CYFIP2: variants seen among roughly 807,000 people sequenced by gnomAD.
CYFIP2 encodes cytoplasmic FMR1-interacting protein 2.
Under a neutral mutation model 158.7 loss-of-function variants are expected in CYFIP2, and 29 were observed. The observed-to-expected ratio is 0.18, with a 90% CI of 0.14 to 0.25. The LOEUF is 0.25. Ranked by LOEUF, CYFIP2 falls within the 10% of genes least tolerant of loss-of-function variation. CYFIP2 has a pLI of 1.00. For synonymous variants in CYFIP2, 585 were observed against 617.6 expected, an observed-to-expected ratio of 0.95 and a Z score of 0.78; for missense variants, 852 against 1,639.5, an observed-to-expected ratio of 0.52 and a Z score of 8.29.
chr5:157,349,231 A>C (rs1394262592), intron 23 of CYFIP2, among the ~76,000 whole-genome samples: 1 of 152,186 alleles, frequency 6.6e-6, no homozygotes, highest in East Asian at 1.9e-4. Flanking sequence ...TCATACGAGC[A>C]GTATACGCTA....
chr5:157,297,175 GAGGA>G (rs1758319913), intron 5 of CYFIP2, among the ~76,000 whole-genome samples: 1 of 152,238 alleles, frequency 6.6e-6, no homozygotes, highest in South Asian at 2.1e-4. Context: ...TGATGACCAG[GAGGA>G]AAGGTTTCAG....
chr5:157,391,492 A>C (rs572685997), intron 30 of CYFIP2, among the ~76,000 whole-genome samples: 1 of 151,118 alleles, frequency 6.6e-6, no homozygotes. Context: ...TACTTTCTCT[A>C]TGCATTTGAC....
intron 26 of CYFIP2, among the ~76,000 whole-genome samples, chr5:157,381,045 T>C (rs1766007231): frequency 6.6e-6 from 1 of 152,094 alleles, no homozygotes; most frequent in South Asian, 2.1e-4. Context: ...CAAAACCCCA[T>C]CTCTACTAAA....
intron 7 of CYFIP2, chr5:157,303,117 A>G (rs1758916867): frequency 6.2e-6 from 3 of 482,682 alleles, no homozygotes; most frequent in Non-Finnish European, 1.1e-5. Context: ...CCTCTCAGCC[A>G]GTGCTCTGAC....
chr5:157,308,847 T>C (rs984310185), intron 9 of CYFIP2, among the ~76,000 whole-genome samples: 5 of 152,156 alleles, frequency 3.3e-5, no homozygotes, highest in Admixed American at 1.3e-4. Flanking sequence ...AGAAGAGAAA[T>C]ACAACCTCTC....
chr5:157,384,197 A>C (rs1224234966), intron 28 of CYFIP2: 1 of 433,034 alleles, frequency 2.3e-6, no homozygotes. Context: ...CAAGATGAGT[A>C]AGACAGGACC....
At chr5:157,300,262 G>A (rs1465083288) in intron 5 of CYFIP2, among the ~76,000 whole-genome samples, 3 of 152,138 alleles carry the variant, frequency 2.0e-5, no homozygotes, top group Non-Finnish European at 2.9e-5. Flanking sequence ...GCCAGGTATG[G>A]TGGCTCATGC....
chr5:157,296,856 C>T, intron 5 of CYFIP2, 82 bp downstream of exon 5: 1 of 1,126,080 alleles, frequency 8.9e-7, no homozygotes, highest in Non-Finnish European at 1.3e-6. Flanking sequence ...CAGTTTTGTG[C>T]CATGTTATTT....
chr5:157,395,536 G>C lies in CYFIP2; in HGVS notation c.*2536G>C, dbSNP rs371519970. The C allele has an allele frequency of 2.1e-6, 2 of 960,662 alleles. No individual in the cohort carries two copies. The highest frequency in any genetic ancestry group is 3.4e-5 in the African/African-American group (2 of 59,480). The allele number at this position is 960,662 out of a possible 1,614,324, so 59.5% of individuals were successfully genotyped here. A position where few individuals can be genotyped will look rare whatever the true frequency, so the allele number is the denominator to read the frequency against. The stretch of plus-strand genomic sequence containing the variant: ...TTTGATTTGTATTTTGGGGGTACCT[G>C]TGTTGAGTTGATAAACATTTCCATC... On this transcript the variant is annotated 3_prime_UTR_variant, in exon 31 of 31. Transcript: ENST00000620254.
At chr5:157,279,465 C>T (rs1360311752) in intron 1 of CYFIP2, among the ~76,000 whole-genome samples, 1 of 152,228 alleles carries the variant, frequency 6.6e-6, no homozygotes, top group African/African-American at 2.4e-5. Flanking sequence ...ACCTGCATTT[C>T]CAAAGCCATG....
In CYFIP2 at chr5:157,388,018, G is replaced by A. The variant is rs61179265; in HGVS notation, c.3208-1171G>A. Among the ~76,000 whole-genome samples, 1,200 of 152,272 alleles carry A rather than the reference G, an allele frequency of 7.9e-3. 22 individuals are homozygous for A. Among genetic ancestry groups the A allele is most frequent in the African/African-American group, 0.027 (1,142 of 41,548 alleles). On this transcript the variant is annotated intron_variant, in intron 28 of 30. Transcript: ENST00000620254. ...CTCCAGGGAGTGAGCTTCCGGGGTAGGTCAGGCAGGTGCCTCCCAGCCACC... is the reference window on the plus strand; with the variant it reads ...CTCCAGGGAGTGAGCTTCCGGGGTAAGTCAGGCAGGTGCCTCCCAGCCACC...
In CYFIP2 at chr5:157,383,273, C is replaced by T. The variant is rs763607353; in HGVS notation, c.3121C>T (p.Arg1041Cys). 3 of 1,613,690 alleles carry T rather than the reference C, an allele frequency of 1.9e-6. No homozygotes were observed. Among genetic ancestry groups the T allele is most frequent in the South Asian group, 1.1e-5 (1 of 90,998 alleles). ...LPRVYIKEGE[R>C]LEVRMKRLEA... is the part of the protein sequence containing the mutation. The stretch of plus-strand genomic sequence containing the variant: ...TGCGACTCCTTTTGCAGAGGGGGAG[C>T]GCCTGGAGGTCCGGATGAAACGTCT... Residue 1041 changes from arginine to cysteine, a missense_variant, in exon 28 of 31, where the codon CGC (arginine) becomes TGC (cysteine). By Grantham distance (180) the Arg-to-Cys change is radical. This residue lies in a region of CYFIP2 where 223 missense variants were observed against 381.6 expected (regional missense o/e 0.58). Coordinates refer to ENST00000620254, the MANE Select transcript of CYFIP2 (RefSeq NM_001037333.3).
At chr5:157,364,829 C>T (rs1400517694) in intron 26 of CYFIP2, 2 of 149,270 alleles carry the variant, frequency 1.3e-5, no homozygotes. Flanking sequence ...CTACTAATTG[C>T]CAAAAAAAAA....
At position 157,311,565 on chromosome 5, in the gene CYFIP2, G is replaced by C; in HGVS notation, c.993-99G>C. Reference sequence around the variant, plus strand: ...GGATACCATTTGGTGTCACCCAGGGGAGTTGGCCACGTGGGCTGAGCACCA... The same window carrying C: ...GGATACCATTTGGTGTCACCCAGGGCAGTTGGCCACGTGGGCTGAGCACCA... On this transcript the variant is annotated intron_variant, in intron 10 of 30. Transcript: ENST00000620254. This position sits in a 1 kb window ranked among gnomAD's most constrained non-coding sequence, Gnocchi z 4.7. 9.9e-7 allele frequency: 1 copy of C among 1,012,604 alleles called. No homozygotes were observed. Among genetic ancestry groups the C allele is most frequent in the Non-Finnish European group, 1.5e-6 (1 of 679,680 alleles). 62.7% of individuals were successfully genotyped at this position (1,012,604 alleles called of 1,614,324 possible). A position where few individuals can be genotyped will look rare whatever the true frequency, so the allele number is the denominator to read the frequency against.
intron 23 of CYFIP2, chr5:157,342,983 C>T (rs770748395): frequency 2.4e-5 from 38 of 1,614,096 alleles, no homozygotes; most frequent in East Asian, 1.1e-4. Context: ...GGAGTTCTTG[C>T]GTGGCATTTC....
At chr5:157,328,073 G>A (rs1035593422) in intron 19 of CYFIP2, 24 bp downstream of exon 19, 1 of 1,608,712 alleles carries the variant, frequency 6.2e-7, no homozygotes, top group Middle Eastern at 1.7e-4. Flanking sequence ...AGAGCTGTGA[G>A]TAGCAATCTC....
At chr5:157,357,293 C>A (rs941022933) in intron 23 of CYFIP2, among the ~76,000 whole-genome samples, 15 of 152,172 alleles carry the variant, frequency 9.9e-5, no homozygotes, top group African/African-American at 3.6e-4. Context: ...TTCATACATA[C>A]GTACCTAATT....
chr5:157,293,463 G>A (rs534799650), intron 3 of CYFIP2, among the ~76,000 whole-genome samples: 1 of 152,198 alleles, frequency 6.6e-6, no homozygotes, highest in South Asian at 2.1e-4. Context: ...TCATGCTGTT[G>A]TTGGTTTTCC....
intron 6 of CYFIP2, 95 bp from the exon 7 acceptor site, chr5:157,302,699 A>G (rs1758877199): frequency 1.2e-6 from 1 of 841,238 alleles, no homozygotes; most frequent in South Asian, 1.8e-5. Context: ...GGATGATGTC[A>G]CTCTGTGTTA....
Sources: gnomAD v4.1 joint callset for allele counts (sites outside exome capture counted in the v4.1 genomes callset) on GRCh38, gnomAD v4.1.1 for gene constraint, gnomAD v4.1.1 regional missense constraint, Gnocchi (gnomAD v3.1) non-coding constraint, MANE v1.5 for transcripts, NCBI Gene and HGNC (gene_info 2026-07-23, HGNC 2026-07-21) for gene names.